Variants in THRB observed in about 807,000 individuals in gnomAD.
THRB encodes the protein nuclear receptor subfamily 1 group A member 2.
In THRB, 12 loss-of-function variants were observed where a neutral mutation model predicts 47.8. That is an observed-to-expected ratio of 0.25 (90% confidence interval 0.16 to 0.41). The LOEUF (loss-of-function observed/expected upper bound fraction) is 0.41. Ranked by LOEUF, THRB falls within the 10% of genes least tolerant of loss-of-function variation. The probability of loss-of-function intolerance (pLI) is 1.00; values close to 1 mark genes in which losing one functional copy is unlikely to be tolerated. For synonymous variants in THRB, 218 were observed against 212.2 expected (o/e 1.03, Z -0.24); for missense variants, 348 against 589.2 (o/e 0.59, Z 4.24).
At chr3:24,312,726 G>T (rs1026529905) in intron 2 of THRB, among the ~76,000 whole-genome samples, 1 of 152,298 alleles carries the variant, frequency 6.6e-6, no homozygotes, top group African/African-American at 2.4e-5. Flanking sequence ...AGAAGAAGAG[G>T]GGGTGAGATC....
chr3:24,223,668 A>G (rs2047372931), intron 4 of THRB, among the ~76,000 whole-genome samples: 1 of 152,190 alleles, frequency 6.6e-6, no homozygotes. Flanking sequence ...TCCTGTAAGT[A>G]TAAAATTATT....
chr3:24,379,007 C>T (rs1441796661), intron 1 of THRB, among the ~76,000 whole-genome samples: 1 of 151,982 alleles, frequency 6.6e-6, no homozygotes, highest in Non-Finnish European at 1.5e-5. Context: ...CTCATTTAAC[C>T]CTTATAGCAA....
chr3:24,381,352 A>G (rs1050947224), intron 1 of THRB, among the ~76,000 whole-genome samples: 2 of 152,132 alleles, frequency 1.3e-5, no homozygotes, highest in African/African-American at 4.8e-5. Flanking sequence ...AGGAGAGTTG[A>G]ACAAATTTGG....
intron 1 of THRB, among the ~76,000 whole-genome samples, chr3:24,488,966 CAACTGA>C (rs1343807100): frequency 6.6e-6 from 1 of 152,076 alleles, no homozygotes; most frequent in African/African-American, 2.4e-5. Flanking sequence ...TCAATAAAAT[CAACTGA>C]ATGATTTCAG....
chr3:24,380,123 A>T (rs1035437106), intron 1 of THRB, among the ~76,000 whole-genome samples: 3 of 148,422 alleles, frequency 2.0e-5, no homozygotes, highest in Non-Finnish European at 4.4e-5. Context: ...CTGGAACAAC[A>T]GGTTTAAACT....
intron 8 of THRB, among the ~76,000 whole-genome samples, chr3:24,137,122 T>C (rs1411034874): frequency 2.0e-5 from 3 of 152,234 alleles, no homozygotes; most frequent in Non-Finnish European, 2.9e-5. Context: ...CTTTTTATTA[T>C]AGTTATGTAA....
At chr3:24,283,177 AT>A (rs2054822953) in intron 3 of THRB, among the ~76,000 whole-genome samples, 1 of 152,204 alleles carries the variant, frequency 6.6e-6, no homozygotes. Flanking sequence ...TGATGCAAAA[AT>A]CCTCAGTAAA....
chr3:24,239,048 TCTC>T (rs1321489126), intron 3 of THRB, among the ~76,000 whole-genome samples: 1 of 151,918 alleles, frequency 6.6e-6, no homozygotes, highest in African/African-American at 2.4e-5. Context: ...TTCAAGCAAT[TCTC>T]CTATCTCTGC....
chr3:24,368,924 G>A (rs6550859), intron 1 of THRB, among the ~76,000 whole-genome samples: 94,130 of 152,138 alleles, frequency 0.62, 31,597 homozygotes, highest in African/African-American at 0.9. Context: ...ATGAAGGTTC[G>A]GAGGGGAGAG....
At chr3:24,321,564 G>C (rs754480425) in intron 2 of THRB, among the ~76,000 whole-genome samples, 4 of 152,024 alleles carry the variant, frequency 2.6e-5, no homozygotes, top group Non-Finnish European at 5.9e-5. Flanking sequence ...ACCTCAGGAG[G>C]GTCTAAGACG....
chr3:24,219,296 AAAAAAC>A (rs1415706619), intron 4 of THRB, among the ~76,000 whole-genome samples: 2 of 152,166 alleles, frequency 1.3e-5, no homozygotes, highest in Non-Finnish European at 1.5e-5. Flanking sequence ...ACCCTGTCTC[AAAAAAC>A]AAAAACAAAA....
At chr3:24,417,448 T>G (rs1284808324) in intron 1 of THRB, among the ~76,000 whole-genome samples, 2 of 151,900 alleles carry the variant, frequency 1.3e-5, no homozygotes, top group East Asian at 3.9e-4. Flanking sequence ...CTACTGTGTT[T>G]GCAAGATATG....
At chr3:24,149,825 T>A (rs555586609) in intron 6 of THRB, among the ~76,000 whole-genome samples, 60 of 152,320 alleles carry the variant, frequency 3.9e-4, no homozygotes, top group South Asian at 1.0e-3. Context: ...CTACTTATTT[T>A]AAAAAAATCC....
At chr3:24,218,417 G>T (rs771541269) in intron 4 of THRB, among the ~76,000 whole-genome samples, 1 of 148,100 alleles carries the variant, frequency 6.8e-6, no homozygotes, top group Non-Finnish European at 1.5e-5. Context: ...TCTAGCTAGG[G>T]TGCTAAATTT....
At chr3:24,285,873 T>C (rs1054064518) in intron 3 of THRB, among the ~76,000 whole-genome samples, 2 of 152,212 alleles carry the variant, frequency 1.3e-5, no homozygotes, top group Admixed American at 1.3e-4. Flanking sequence ...TAAATGTTTG[T>C]GTCTTCCTCT....
At chr3:24,475,046 C>A (rs1193362025) in intron 1 of THRB, among the ~76,000 whole-genome samples, 4 of 152,134 alleles carry the variant, frequency 2.6e-5, no homozygotes, top group Non-Finnish European at 5.9e-5. Flanking sequence ...GTTCTAAAAA[C>A]AAAATGTTCT....
chr3:24,406,212 T>C (rs1157730857), intron 1 of THRB, among the ~76,000 whole-genome samples: 1 of 151,736 alleles, frequency 6.6e-6, no homozygotes, highest in Non-Finnish European at 1.5e-5. Context: ...TATCATTAAT[T>C]TATATTCCTT....
At chr3:24,265,416 G>A (rs113020501) in intron 3 of THRB, among the ~76,000 whole-genome samples, 330 of 152,232 alleles carry the variant, frequency 2.2e-3, no homozygotes, top group Non-Finnish European at 3.7e-3. Flanking sequence ...GAATTGATCA[G>A]AAATCACATG....
At chr3:24,391,283 C>T (rs1357742645) in intron 1 of THRB, among the ~76,000 whole-genome samples, 2 of 152,126 alleles carry the variant, frequency 1.3e-5, no homozygotes, top group African/African-American at 4.8e-5. Context: ...TATAATTCAG[C>T]TACAGAAAAG....
Sources: allele counts gnomAD v4.1 joint callset (sites outside exome capture counted in the v4.1 genomes callset), GRCh38; gene constraint gnomAD v4.1.1; transcripts MANE v1.5; gene names NCBI Gene and HGNC (gene_info 2026-07-23, HGNC 2026-07-21).